The following SPIDR variants were observed in gnomAD, a reference collection of about 807,000 sequenced individuals.
SPIDR encodes scaffold protein involved in DNA repair, also known as DNA repair-scaffolding protein.
Under a neutral mutation model 104.6 loss-of-function variants are expected in SPIDR, and 93 were observed. The observed-to-expected ratio is 0.89, with a 90% CI of 0.75 to 1.06. The LOEUF is 1.06. SPIDR is among the 50% of genes least tolerant of loss of function. The probability of loss-of-function intolerance (pLI) is 0.00; values close to 1 mark genes in which losing one functional copy is unlikely to be tolerated. For missense variants in SPIDR, 1,154 were observed against 1,111.2 expected (o/e 1.04, Z -0.55); for synonymous variants, 431 against 416.9 (o/e 1.03, Z -0.41).
At chr8:47,403,538 A>C (rs2062231012) in intron 6 of SPIDR, among the ~76,000 whole-genome samples, 3 of 152,238 alleles carry the variant, frequency 2.0e-5, no homozygotes, top group Admixed American at 2.0e-4. Context: ...TGCAAAAATC[A>C]CAAGCATTCT....
chr8:47,593,507 T>C (rs911257627), intron 8 of SPIDR, among the ~76,000 whole-genome samples: 1 of 152,242 alleles, frequency 6.6e-6, no homozygotes, highest in African/African-American at 2.4e-5. Flanking sequence ...TGACATCTAT[T>C]AACTGTCTTT....
intron 8 of SPIDR, among the ~76,000 whole-genome samples, chr8:47,494,914 T>A (rs950617079): frequency 6.6e-5 from 10 of 152,194 alleles, no homozygotes; most frequent in African/African-American, 1.9e-4. Flanking sequence ...TTCATTTGCA[T>A]GATTTATTTA....
Position 47,284,033 on chromosome 8 carries a change from A to G in SPIDR, c.195A>G (p.Leu65=). ...GATTATTATTTTGCCTACAGTCATT[A>G]ACAGCTGAAGAGAAGACGATTACAG... The part of the protein sequence containing the change: ...GFQNTSGNPS[L]TAEEKTITEK... The change falls in exon 3 of 20, where the codon TTA becomes TTG. Residue 65 remains leucine, a synonymous_variant. Coordinates refer to ENST00000297423, the MANE Select transcript of SPIDR (RefSeq NM_001080394.4). The G allele has an allele frequency of 6.2e-7, 1 of 1,609,412 alleles. No homozygotes were observed. Among genetic ancestry groups the G allele is most frequent in the Non-Finnish European group, 8.5e-7 (1 of 1,177,938 alleles).
At chr8:47,445,120 T>C (rs781917544) in intron 8 of SPIDR, among the ~76,000 whole-genome samples, 1 of 152,222 alleles carries the variant, frequency 6.6e-6, no homozygotes, top group Non-Finnish European at 1.5e-5. Context: ...TATTTTACTA[T>C]GCTTTTTTGC....
chr8:47,565,246 CAAAA>C (rs928146626), intron 8 of SPIDR, among the ~76,000 whole-genome samples: 19 of 151,912 alleles, frequency 1.3e-4, no homozygotes, highest in African/African-American at 4.1e-4. Context: ...AATTCCGTCT[CAAAA>C]AGAAAGAGGA....
At chr8:47,300,606 C>T (rs1027493598) in intron 5 of SPIDR, among the ~76,000 whole-genome samples, 1 of 152,212 alleles carries the variant, frequency 6.6e-6, no homozygotes, top group Non-Finnish European at 1.5e-5. Flanking sequence ...TTTCCCTCTA[C>T]ACACTGCTTT....
intron 5 of SPIDR, among the ~76,000 whole-genome samples, chr8:47,380,863 A>T (rs529361680): frequency 1.3e-5 from 2 of 152,294 alleles, no homozygotes; most frequent in South Asian, 4.1e-4. Flanking sequence ...TTTCACGGAT[A>T]AAGTTTCAGT....
At chr8:47,663,074 C>T (rs1223057170) in intron 10 of SPIDR, among the ~76,000 whole-genome samples, 3 of 152,236 alleles carry the variant, frequency 2.0e-5, no homozygotes, top group Non-Finnish European at 4.4e-5. Flanking sequence ...CTTCTAGCCT[C>T]CTTCCAGTTT....
intron 10 of SPIDR, among the ~76,000 whole-genome samples, chr8:47,601,568 C>A (rs897605926): frequency 6.6e-6 from 1 of 152,172 alleles, no homozygotes; most frequent in African/African-American, 2.4e-5. Flanking sequence ...GTGGTGCGTG[C>A]CTGCAGTCCC....
At chr8:47,534,849 A>AG (rs2086639560) in intron 8 of SPIDR, among the ~76,000 whole-genome samples, 1 of 152,076 alleles carries the variant, frequency 6.6e-6, no homozygotes, top group African/African-American at 2.4e-5. Flanking sequence ...GAAAATCAAC[A>AG]GAAAAAAAAA....
At chr8:47,546,790 C>T in intron 8 of SPIDR, 1 of 212,866 alleles carries the variant, frequency 4.7e-6, no homozygotes, top group Non-Finnish European at 9.5e-6. Flanking sequence ...AATTTGTCAC[C>T]AAGAGACCAT....
At chr8:47,633,964 C>A (rs186168198) in intron 10 of SPIDR, among the ~76,000 whole-genome samples, 1 of 152,004 alleles carries the variant, frequency 6.6e-6, no homozygotes, top group Non-Finnish European at 1.5e-5. Flanking sequence ...TGTGGTGGTG[C>A]ATGCCAATAG....
chr8:47,551,501 G>A (rs941556815), intron 8 of SPIDR, among the ~76,000 whole-genome samples: 4 of 152,122 alleles, frequency 2.6e-5, no homozygotes, highest in Admixed American at 6.6e-5. Context: ...AGTCTTGGGA[G>A]GGTGTATGTG....
chr8:47,720,523 G>C (rs2083244273), intron 16 of SPIDR, among the ~76,000 whole-genome samples: 1 of 152,174 alleles, frequency 6.6e-6, no homozygotes, highest in African/African-American at 2.4e-5. Flanking sequence ...TCTAATAGAT[G>C]TGTAGTAGTA....
intron 5 of SPIDR, among the ~76,000 whole-genome samples, chr8:47,351,380 T>C (rs553299746): frequency 6.6e-6 from 1 of 152,206 alleles, no homozygotes; most frequent in African/African-American, 2.4e-5. Context: ...GGTAGGTGAG[T>C]TCAGAAAGGA....
intron 6 of SPIDR, among the ~76,000 whole-genome samples, chr8:47,400,120 G>C (rs556781893): frequency 6.6e-6 from 1 of 152,194 alleles, no homozygotes; most frequent in Non-Finnish European, 1.5e-5. Flanking sequence ...GAGCTGGAAC[G>C]TAAGGGAGGC....
chr8:47,726,482 T>C (rs1347062347), intron 16 of SPIDR, among the ~76,000 whole-genome samples: 3 of 152,232 alleles, frequency 2.0e-5, no homozygotes, highest in Non-Finnish European at 4.4e-5. Context: ...CTAGATGATA[T>C]CTACAATGCT....
chr8:47,261,070 C>T (rs2032029744), intron 1 of SPIDR, 79 bp downstream of exon 1: 1 of 1,215,838 alleles, frequency 8.2e-7, no homozygotes, highest in Non-Finnish European at 1.0e-6. Context: ...GGGCTGGCCC[C>T]GTTGTGCTGG....
intron 8 of SPIDR, among the ~76,000 whole-genome samples, chr8:47,508,821 A>G (rs958070928): frequency 5.3e-5 from 8 of 152,148 alleles, no homozygotes; most frequent in African/African-American, 9.7e-5. Flanking sequence ...AGAATGTCCA[A>G]TAAGTGCTGA....
Sources: gnomAD v4.1 joint callset for allele counts (sites outside exome capture counted in the v4.1 genomes callset) on GRCh38, gnomAD v4.1.1 for gene constraint, MANE v1.5 for transcripts, NCBI Gene and HGNC (gene_info 2026-07-23, HGNC 2026-07-21) for gene names.